The following RBFOX1 variants were observed in gnomAD, a reference collection of about 807,000 sequenced individuals.
The protein encoded by RBFOX1 is RNA binding fox-1 homolog 1.
RBFOX1 carries 8 observed loss-of-function variants against 57.7 expected under a neutral mutation model. That is an observed-to-expected ratio of 0.14 (90% CI 0.08 to 0.25). The LOEUF (loss-of-function observed/expected upper bound fraction) is 0.25, where lower values mean the gene tolerates loss of function less well. RBFOX1 is among the 10% of genes least tolerant of loss of function. The pLI, the probability that RBFOX1 is intolerant of heterozygous loss-of-function variation, is 1.00. For synonymous variants in RBFOX1, 326 were observed against 222.4 expected, an observed-to-expected ratio of 1.47 and a Z score of -4.15; for missense variants, 611 against 548.5, an observed-to-expected ratio of 1.11 and a Z score of -1.14.
At chr16:7,265,919 C>G (rs189120679) in intron 4 of RBFOX1, among the ~76,000 whole-genome samples, 2 of 143,118 alleles carry the variant, frequency 1.4e-5, no homozygotes, top group African/African-American at 5.3e-5. Context: ...TTGCTTGGTG[C>G]TGTCTTCACG....
intron 4 of RBFOX1, among the ~76,000 whole-genome samples, chr16:7,511,620 C>CT (rs377462882): frequency 0.028 from 4,154 of 149,032 alleles, 179 homozygotes; most frequent in African/African-American, 0.094. Context: ...ATTGAAATGA[C>CT]TTTTTTTTTT....
intron 3 of RBFOX1, among the ~76,000 whole-genome samples, chr16:5,717,025 T>A (rs34305148): frequency 6.6e-6 from 1 of 151,556 alleles, no homozygotes; most frequent in Non-Finnish European, 1.5e-5. Flanking sequence ...GAAAAAACTC[T>A]TAACTCCAGT....
intron 4 of RBFOX1, among the ~76,000 whole-genome samples, chr16:7,322,168 G>T (rs1237618231): frequency 3.3e-5 from 5 of 152,240 alleles, no homozygotes; most frequent in African/African-American, 1.2e-4. Context: ...AGCTTCAGCA[G>T]AGAGAAGCCA....
At chr16:6,354,745 A>G (rs2086984354) in intron 2 of RBFOX1, among the ~76,000 whole-genome samples, 1 of 152,208 alleles carries the variant, frequency 6.6e-6, no homozygotes, top group Admixed American at 6.5e-5. Context: ...AATCTCTGAA[A>G]CCACTTGTGT....
chr16:6,336,154 CATATATATATATAT>C (rs768962177), intron 2 of RBFOX1, among the ~76,000 whole-genome samples: 17 of 43,252 alleles, frequency 3.9e-4, no homozygotes, highest in African/African-American at 7.9e-4. Context: ...TATACATATA[CATATATATATATAT>C]ATATATATAT....
chr16:5,950,960 C>T (rs754681154), intron 4 of RBFOX1, among the ~76,000 whole-genome samples: 25 of 152,212 alleles, frequency 1.6e-4, no homozygotes, highest in Admixed American at 4.6e-4. Context: ...GGTGGTGACA[C>T]TGGGTGTTCA....
rs184569734 is a variant in RBFOX1 at position 7,007,131 on chromosome 16, G to C, written c.-15-44926G>C. On this transcript the variant is annotated intron_variant, in intron 3 of 15. Coordinates refer to ENST00000550418, the MANE Select transcript of RBFOX1 (RefSeq NM_018723.4). ...GACTGATAAGGAGGCTCTGGGAAGA[G>C]TCCATTTTCAAACTCCTTCAGGTTG... is the stretch of plus-strand genomic sequence containing the variant. Among the ~76,000 whole-genome samples the C allele has an allele frequency of 2.0e-5, 3 of 152,304 alleles. No homozygotes were observed. In the East Asian group the frequency reaches 5.8e-4, roughly 29 times the overall value.
intron 3 of RBFOX1, among the ~76,000 whole-genome samples, chr16:5,772,639 T>G (rs1172708877): frequency 6.6e-6 from 1 of 152,206 alleles, no homozygotes; most frequent in East Asian, 1.9e-4. Context: ...GGCGGTGATC[T>G]ATTCTGGAAG....
chr16:6,044,967 G>C (rs188559438), intron 1 of RBFOX1, among the ~76,000 whole-genome samples: 24 of 152,276 alleles, frequency 1.6e-4, no homozygotes, highest in African/African-American at 5.3e-4. Context: ...TCTCACTATT[G>C]ACTGCTCATT....
At chr16:6,832,724 G>A (rs1314871582) in intron 3 of RBFOX1, among the ~76,000 whole-genome samples, 1 of 152,192 alleles carries the variant, frequency 6.6e-6, no homozygotes, top group Non-Finnish European at 1.5e-5. Context: ...TTACTGGGAA[G>A]GGTCTATCTT....
At chr16:5,824,288 T>C (rs1050389226) in intron 3 of RBFOX1, among the ~76,000 whole-genome samples, 1 of 152,028 alleles carries the variant, frequency 6.6e-6, no homozygotes, top group African/African-American at 2.4e-5. Context: ...GACAGCTGAG[T>C]GGATGGTAGA....
At chr16:6,597,799 C>A (rs1022374011) in intron 2 of RBFOX1, among the ~76,000 whole-genome samples, 7 of 152,232 alleles carry the variant, frequency 4.6e-5, no homozygotes, top group African/African-American at 1.7e-4. Flanking sequence ...TAAGCAGCCA[C>A]CTTTTTCTGC....
At chr16:7,034,841 C>CTTTCTTTTTTTTTTTTTTTTTTTTTT (rs2043856073) in intron 3 of RBFOX1, among the ~76,000 whole-genome samples, 1 of 39,166 alleles carries the variant, frequency 2.6e-5, no homozygotes, top group Non-Finnish European at 4.4e-5. Context: ...TTTTTTTTTT[C>CTTTCTTTTTTTTTTTTTTTTTTTTTT]TTTTTTCTTT....
intron 2 of RBFOX1, among the ~76,000 whole-genome samples, chr16:6,646,229 G>C (rs370688631): frequency 6.6e-6 from 1 of 152,030 alleles, no homozygotes; most frequent in Admixed American, 6.6e-5. Flanking sequence ...AGCGTGATCC[G>C]AACAATAATT....
At chr16:6,942,665 G>C (rs1186431474) in intron 3 of RBFOX1, among the ~76,000 whole-genome samples, 1 of 152,168 alleles carries the variant, frequency 6.6e-6, no homozygotes, top group Non-Finnish European at 1.5e-5. Context: ...AGAAGGATAA[G>C]ATGGTGTCTG....
At chr16:6,221,302 T>A (rs1462917503) in intron 1 of RBFOX1, among the ~76,000 whole-genome samples, 1 of 152,190 alleles carries the variant, frequency 6.6e-6, no homozygotes, top group African/African-American at 2.4e-5. Flanking sequence ...ATAGAAACTG[T>A]ATCACTGCTG....
intron 4 of RBFOX1, among the ~76,000 whole-genome samples, chr16:7,435,356 C>A (rs1012095802): frequency 3.9e-5 from 6 of 152,034 alleles, no homozygotes; most frequent in African/African-American, 1.4e-4. Flanking sequence ...AGACAGCGTG[C>A]CATTTGTATC....
Position 6,798,190 on chromosome 16 carries a change from G to A in RBFOX1, c.-16+143540G>A, listed in dbSNP as rs921908558. Reference sequence around the variant, plus strand: ...GGCGTTTCTAGTCTCTTCTCTGGTCGTGTCCCTAAGAGAAACTGGAGGTGC... The same window carrying A: ...GGCGTTTCTAGTCTCTTCTCTGGTCATGTCCCTAAGAGAAACTGGAGGTGC... On this transcript the variant is annotated intron_variant, in intron 3 of 15. Coordinates refer to ENST00000550418, the MANE Select transcript of RBFOX1 (RefSeq NM_018723.4). Among the ~76,000 whole-genome samples the A allele has an allele frequency of 3.3e-5, 5 of 152,256 alleles. No homozygotes were observed. In the East Asian group the frequency reaches 5.8e-4, roughly 18 times the overall value.
intron 9 of RBFOX1, among the ~76,000 whole-genome samples, chr16:7,598,945 T>C (rs1363392224): frequency 1.3e-5 from 2 of 152,218 alleles, no homozygotes; most frequent in Non-Finnish European, 2.9e-5. Flanking sequence ...CTTTTGCCAG[T>C]GACTACCAAT....
Sources: allele counts gnomAD v4.1 joint callset (sites outside exome capture counted in the v4.1 genomes callset), GRCh38; gene constraint gnomAD v4.1.1; transcripts MANE v1.5; gene names NCBI Gene and HGNC (gene_info 2026-07-23, HGNC 2026-07-21).